GABRG3: variants seen among roughly 807,000 people sequenced by gnomAD.
GABRG3 encodes gamma-aminobutyric acid receptor subunit gamma-3.
In GABRG3, 25 loss-of-function variants were observed where a neutral mutation model predicts 48.8. The observed-to-expected ratio is 0.51, with a 90% CI of 0.37 to 0.72. The LOEUF (loss-of-function observed/expected upper bound fraction) is 0.72. Ranked by LOEUF, GABRG3 falls within the 30% of genes least tolerant of loss-of-function variation. The pLI is 0.00. For synonymous variants in GABRG3, 227 were observed against 217.6 expected, an observed-to-expected ratio of 1.04 and a Z score of -0.38; for missense variants, 394 against 577.9, an observed-to-expected ratio of 0.68 and a Z score of 3.26.
intron 3 of GABRG3, among the ~76,000 whole-genome samples, chr15:27,062,276 G>C (rs1036406470): frequency 6.6e-6 from 1 of 151,680 alleles, no homozygotes; most frequent in African/African-American, 2.4e-5. Flanking sequence ...TGTGGGTGCT[G>C]GTGAGTTCAC....
chr15:27,137,070 C>T (rs1466077695), intron 3 of GABRG3, among the ~76,000 whole-genome samples: 2 of 152,214 alleles, frequency 1.3e-5, no homozygotes, highest in Non-Finnish European at 2.9e-5. Flanking sequence ...CTCGTACCTG[C>T]CTATAAAAGG....
chr15:27,115,867 C>T (rs1047862977), intron 3 of GABRG3, among the ~76,000 whole-genome samples: 22 of 152,138 alleles, frequency 1.4e-4, no homozygotes, highest in East Asian at 9.6e-4. Flanking sequence ...TCCTGTCAAA[C>T]GAAAACCAGA....
rs149206159 is a variant in GABRG3, at chr15:27,291,633, G to A, written c.271-35176G>A. Among the ~76,000 whole-genome samples, 17 of 152,304 alleles carry A rather than the reference G, an allele frequency of 1.1e-4. No individual in the cohort carries two copies. In the East Asian group the frequency reaches 3.3e-3, roughly 29 times the overall value. ...TCTTATTTAATGAAAACAGTTTAAAGAAAATGAGTATCTTGTCTTTTTAGA... is the reference window on the plus strand; with the variant it reads ...TCTTATTTAATGAAAACAGTTTAAAAAAAATGAGTATCTTGTCTTTTTAGA... On this transcript the variant is annotated intron_variant, in intron 3 of 9. Coordinates refer to ENST00000615808, the MANE Select transcript of GABRG3 (RefSeq NM_033223.5).
chr15:27,181,584 A>G (rs982487754), intron 3 of GABRG3, among the ~76,000 whole-genome samples: 19 of 152,216 alleles, frequency 1.2e-4, no homozygotes, highest in African/African-American at 4.3e-4. Flanking sequence ...ATGCAAAGCC[A>G]TCTGACTCTA....
At chr15:27,146,712 G>T (rs1169775351) in intron 3 of GABRG3, among the ~76,000 whole-genome samples, 1 of 151,988 alleles carries the variant, frequency 6.6e-6, no homozygotes, top group Non-Finnish European at 1.5e-5. Context: ...AATTAAGTTG[G>T]TTATGCGAGC....
chr15:27,328,662 A>C (rs1893699422), intron 4 of GABRG3, 144 bp from the exon 5 acceptor site: 1 of 640,906 alleles, frequency 1.6e-6, no homozygotes, highest in African/African-American at 1.8e-5. Context: ...CTCACCGTGA[A>C]TGGTTCCCGG....
intron 2 of GABRG3, among the ~76,000 whole-genome samples, chr15:26,996,817 T>C (rs1170267882): frequency 2.0e-5 from 3 of 151,674 alleles, no homozygotes; most frequent in Non-Finnish European, 4.4e-5. Flanking sequence ...GCCCAGCTAA[T>C]GTTTTTGTAT....
chr15:27,451,120 C>T (rs1030804797), intron 5 of GABRG3, among the ~76,000 whole-genome samples: 1 of 151,988 alleles, frequency 6.6e-6, no homozygotes, highest in Non-Finnish European at 1.5e-5. Flanking sequence ...AGTGATCACC[C>T]AAAGTGATTC....
intron 2 of GABRG3, among the ~76,000 whole-genome samples, chr15:27,002,788 G>GGAAAGAGA (rs1233520323): frequency 2.7e-5 from 4 of 147,786 alleles, no homozygotes; most frequent in African/African-American, 5.0e-5. Flanking sequence ...AAGGAAAGAA[G>GGAAAGAGA]GAAAGAGAGA....
chr15:27,519,107 G>C (rs559992376), intron 6 of GABRG3, among the ~76,000 whole-genome samples: 1 of 152,264 alleles, frequency 6.6e-6, no homozygotes, highest in Non-Finnish European at 1.5e-5. Context: ...GTTCAGTTCT[G>C]GACATGGTGG....
chr15:27,285,387 G>A (rs1257591521), intron 3 of GABRG3, among the ~76,000 whole-genome samples: 2 of 151,812 alleles, frequency 1.3e-5, no homozygotes, highest in Admixed American at 6.6e-5. Flanking sequence ...CCCAAGGACC[G>A]AGAGAGAGGA....
At position 27,078,633 on chromosome 15, in the gene GABRG3, T is replaced by G. The variant is rs143705361; in HGVS notation, c.270+51812T>G. 9.4e-4 allele frequency among the ~76,000 whole-genome samples: 143 copies of G among 152,320 alleles called. No homozygotes were observed. In the East Asian group the frequency reaches 0.025, roughly 27 times the overall value. On this transcript the variant is annotated intron_variant, in intron 3 of 9. Coordinates refer to ENST00000615808, the MANE Select transcript of GABRG3 (RefSeq NM_033223.5). ...TAGATGTAACACCAGCTGTCACTGG[T>G]CACCGCCCAGGGGCTCCTCGTCTTT... is the stretch of plus-strand genomic sequence containing the variant.
rs114710025 is a variant in GABRG3 at position 27,032,267 on chromosome 15, T to C, written c.270+5446T>C. Reference sequence around the variant, plus strand: ...AGTTCTCTGGTGCGATTCTCCATCTTGCAATCTGTTTTCTGGAACACATTA... The same window carrying C: ...AGTTCTCTGGTGCGATTCTCCATCTCGCAATCTGTTTTCTGGAACACATTA... On this transcript the variant is annotated intron_variant, in intron 3 of 9. Transcript: ENST00000615808. 6.1e-3 allele frequency among the ~76,000 whole-genome samples: 924 copies of C among 152,340 alleles called. 10 individuals carry two copies. Among genetic ancestry groups the C allele is most frequent in the African/African-American group, 0.021 (879 of 41,570 alleles).
At chr15:27,093,800 G>C (rs192218222) in intron 3 of GABRG3, among the ~76,000 whole-genome samples, 1 of 152,034 alleles carries the variant, frequency 6.6e-6, no homozygotes, top group African/African-American at 2.4e-5. Context: ...TGACACTATT[G>C]CACCTTTTTA....
At chr15:27,032,481 CCAGCATCTGCTTCTGA>C (rs1896102844) in intron 3 of GABRG3, among the ~76,000 whole-genome samples, 1 of 152,156 alleles carries the variant, frequency 6.6e-6, no homozygotes, top group East Asian at 1.9e-4. Flanking sequence ...AAGCGTGGCA[CCAGCATCTGCTTCTGA>C]TGAGAGCCTC....
At chr15:27,262,626 C>T (rs17137734) in intron 3 of GABRG3, among the ~76,000 whole-genome samples, 16,303 of 151,400 alleles carry the variant, frequency 0.11, 1,575 homozygotes, top group African/African-American at 0.26. Flanking sequence ...ATATTGTCTT[C>T]GACTATTGGA....
chr15:27,380,763 G>T (rs1447071170), intron 5 of GABRG3, among the ~76,000 whole-genome samples: 12 of 115,202 alleles, frequency 1.0e-4, no homozygotes, highest in South Asian at 3.2e-4. Context: ...GTTCTGTGTG[G>T]TTTTTTTTTT....
At position 27,520,131 on chromosome 15, in the gene GABRG3, T is replaced by G. The variant is rs745309801; in HGVS notation, c.865+7T>G. 26 of 1,587,004 alleles carry G rather than the reference T, an allele frequency of 1.6e-5. No homozygotes were observed. The East Asian group carries it at 5.4e-4, about 33-fold the overall frequency. ...CCAGCAAGAACAGCATTAGGTGAGT[T>G]TCAAAAAATCTCTTCCACAAATTTG... On this transcript the variant is annotated splice_region_variant and intron_variant, in intron 7 of 9. Transcript: ENST00000615808.
At position 27,506,482 on chromosome 15, in the gene GABRG3, G is replaced by A. The variant is rs574805054; in HGVS notation, c.713-13490G>A. Among the ~76,000 whole-genome samples the A allele has an allele frequency of 3.3e-5, 5 of 152,322 alleles. No homozygotes were observed. In the South Asian group the frequency reaches 1.0e-3, roughly 32 times the overall value. Reference sequence around the variant, plus strand: ...GAGTGCAACCACTGGCCAACAGACAGTGGAGAAACAAGGGACTCAATCTTG... The same window carrying A: ...GAGTGCAACCACTGGCCAACAGACAATGGAGAAACAAGGGACTCAATCTTG... On this transcript the variant is annotated intron_variant, in intron 6 of 9. Transcript: ENST00000615808.
Sources: gnomAD v4.1 joint callset for allele counts (sites outside exome capture counted in the v4.1 genomes callset) on GRCh38, gnomAD v4.1.1 for gene constraint, MANE v1.5 for transcripts, NCBI Gene and HGNC (gene_info 2026-07-23, HGNC 2026-07-21) for gene names.